The following ZEB2 variants were observed in gnomAD, a reference collection of about 807,000 sequenced individuals.
The protein encoded by ZEB2 is zinc finger E-box-binding homeobox 2.
Under a neutral mutation model 99.9 loss-of-function variants are expected in ZEB2, and 6 were observed. That is an observed-to-expected ratio of 0.06 (90% CI 0.03 to 0.12). The LOEUF (loss-of-function observed/expected upper bound fraction) is 0.12. Ranked by LOEUF, ZEB2 falls within the 10% of genes least tolerant of loss-of-function variation. The pLI is 1.00. For missense variants in ZEB2, 969 were observed against 1,502.8 expected, an observed-to-expected ratio of 0.64 and a Z score of 5.87; for synonymous variants, 517 against 542.5, an observed-to-expected ratio of 0.95 and a Z score of 0.65.
chr2:144,491,184 G>A (rs1274229796), intron 2 of ZEB2, among the ~76,000 whole-genome samples: 5 of 152,234 alleles, frequency 3.3e-5, no homozygotes, highest in East Asian at 1.9e-4. Context: ...CCATGTGGGC[G>A]CCATCAGTTG....
intron 1 of ZEB2, chr2:144,517,710 G>C (rs1705185027): frequency 1.4e-6 from 1 of 702,720 alleles, no homozygotes; most frequent in African/African-American, 1.7e-5. Context: ...GCACACGGCG[G>C]TACAGTAAGA....
intron 9 of ZEB2, among the ~76,000 whole-genome samples, chr2:144,395,432 G>C (rs1212270537): frequency 6.6e-6 from 1 of 151,792 alleles, no homozygotes; most frequent in Non-Finnish European, 1.5e-5. Context: ...TCCTGGTTTA[G>C]AATGAGTTGT....
At chr2:144,509,668 T>C (rs1007219506) in intron 2 of ZEB2, among the ~76,000 whole-genome samples, 10 of 152,128 alleles carry the variant, frequency 6.6e-5, no homozygotes, top group African/African-American at 2.4e-4. Flanking sequence ...CTTAATCTAA[T>C]TGTTGGGAGA....
chr2:144,463,335 A>G (rs1454546669), intron 2 of ZEB2: 2 of 152,144 alleles, frequency 1.3e-5, no homozygotes, highest in African/African-American at 4.8e-5. Flanking sequence ...TCTAATTGGG[A>G]ATATAACATG....
rs1270244753 is a variant in ZEB2 at position 144,510,090 on chromosome 2, C to T, written c.73+7188G>A. On this transcript the variant is annotated intron_variant, in intron 2 of 9. Transcript: ENST00000627532. ...GTGAAAAACGTGGCACTTTACAGCC[C>T]TCAAAGCTTTTTAAAATAGCACAAC... Among the ~76,000 whole-genome samples the T allele has an allele frequency of 2.0e-5, 3 of 152,036 alleles. No individual in the cohort carries two copies. The East Asian group carries it at 5.8e-4, about 29-fold the overall frequency.
chr2:144,454,484 G>A (rs1050336033), intron 2 of ZEB2, among the ~76,000 whole-genome samples: 1 of 152,142 alleles, frequency 6.6e-6, no homozygotes, highest in Non-Finnish European at 1.5e-5. Context: ...GAGGACGCTT[G>A]CTATCACTAG....
At chr2:144,449,979 A>G (rs1704034583) in intron 2 of ZEB2, among the ~76,000 whole-genome samples, 1 of 152,188 alleles carries the variant, frequency 6.6e-6, no homozygotes, top group Non-Finnish European at 1.5e-5. Flanking sequence ...CTGATTAGCT[A>G]TTTTAGATGG....
intron 2 of ZEB2, among the ~76,000 whole-genome samples, chr2:144,473,879 T>C (rs1241424113): frequency 6.6e-6 from 1 of 152,176 alleles, no homozygotes; most frequent in African/African-American, 2.4e-5. Context: ...CTTTAAAAAA[T>C]AAGATGTACG....
intron 2 of ZEB2, among the ~76,000 whole-genome samples, chr2:144,467,484 C>T (rs1332690742): frequency 6.6e-6 from 1 of 151,972 alleles, no homozygotes; most frequent in African/African-American, 2.4e-5. Flanking sequence ...ACCCACTGCC[C>T]AGGAAAAAAA....
intron 4 of ZEB2, among the ~76,000 whole-genome samples, chr2:144,406,706 A>G (rs1390533695): frequency 6.6e-6 from 1 of 152,228 alleles, no homozygotes; most frequent in Non-Finnish European, 1.5e-5. Context: ...TTTTTACTCT[A>G]AAAGAAGCAG....
intron 2 of ZEB2, chr2:144,504,667 A>AATACC: frequency 6.6e-6 from 1 of 152,220 alleles, no homozygotes; most frequent in Non-Finnish European, 1.5e-5. Flanking sequence ...TTAAAGAGAC[A>AATACC]AGGGCTTTTC....
chr2:144,500,635 C>G (rs1307841352), intron 2 of ZEB2, among the ~76,000 whole-genome samples: 1 of 152,086 alleles, frequency 6.6e-6, no homozygotes, highest in Non-Finnish European at 1.5e-5. Flanking sequence ...TCAGTTGGGG[C>G]TGATGAAATG....
chr2:144,499,136 T>C (rs908081353), intron 2 of ZEB2, among the ~76,000 whole-genome samples: 23 of 152,174 alleles, frequency 1.5e-4, no homozygotes, highest in African/African-American at 5.6e-4. Context: ...TAGGATGAGC[T>C]TTATATGGAG....
In ZEB2 at chr2:144,424,732, C is replaced by A; in HGVS notation, c.403+64G>T. On this transcript the variant is annotated intron_variant, in intron 4 of 9. Transcript: ENST00000627532. ...AAATGGATGTGTCACTGTTTCCTTC[C>A]CTGCCTCACTAAACCCACATGACAC... 3.8e-6 allele frequency: 6 copies of A among 1,581,194 alleles called. No homozygotes were observed. The South Asian group carries it at 6.6e-5, about 17-fold the overall frequency.
At chr2:144,513,800 G>A (rs1705085385) in intron 2 of ZEB2, 1 of 1,536,184 alleles carries the variant, frequency 6.5e-7, no homozygotes, top group Non-Finnish European at 8.7e-7. Flanking sequence ...CTCCAAGGCT[G>A]TGTGGAGATA....
At chr2:144,514,115 T>C (rs1225934307) in intron 2 of ZEB2, 11 of 324,668 alleles carry the variant, frequency 3.4e-5, no homozygotes, top group Non-Finnish European at 5.7e-5. Context: ...GCCAGGCATC[T>C]TGCTAGCCTG....
intron 2 of ZEB2, among the ~76,000 whole-genome samples, chr2:144,432,577 C>A (rs1016967755): frequency 6.6e-6 from 1 of 152,112 alleles, no homozygotes; most frequent in Non-Finnish European, 1.5e-5. Flanking sequence ...ACCCCATGCC[C>A]CGACTTCTAA....
chr2:144,458,320 T>C (rs1475323376), intron 2 of ZEB2, among the ~76,000 whole-genome samples: 1 of 152,154 alleles, frequency 6.6e-6, no homozygotes, highest in Non-Finnish European at 1.5e-5. Flanking sequence ...ATACCAACTC[T>C]GGATGACTAG....
At chr2:144,506,134 C>T (rs1704948212) in intron 2 of ZEB2, among the ~76,000 whole-genome samples, 1 of 152,204 alleles carries the variant, frequency 6.6e-6, no homozygotes, top group South Asian at 2.1e-4. Flanking sequence ...ATAGGGAACA[C>T]ATTTCCCCCC....
Sources: allele counts gnomAD v4.1 joint callset (sites outside exome capture counted in the v4.1 genomes callset), GRCh38; gene constraint gnomAD v4.1.1; transcripts MANE v1.5; gene names NCBI Gene and HGNC (gene_info 2026-07-23, HGNC 2026-07-21).